Variants in ADAMTS18 observed in about 807,000 individuals in gnomAD.
ADAMTS18 encodes ADAM metallopeptidase with thrombospondin type 1 motif 18, also known as A disintegrin and metalloproteinase with thrombospondin motifs 18.
ADAMTS18 carries 157 observed loss-of-function variants against 165.9 expected under a neutral mutation model. The ratio of observed to expected loss-of-function variants is 0.95; its 90% CI spans 0.83 to 1.08. ADAMTS18 has a LOEUF of 1.08. ADAMTS18 is among the 50% of genes least tolerant of loss of function. ADAMTS18 has a pLI of 0.00. For synonymous variants in ADAMTS18, 782 were observed against 578.2 expected (o/e 1.35, Z -5.06); for missense variants, 2,040 against 1,534.0 (o/e 1.33, Z -5.51).
chr16:77,339,038 G>A (rs1053925689), intron 11 of ADAMTS18, among the ~76,000 whole-genome samples: 1 of 152,032 alleles, frequency 6.6e-6, no homozygotes, highest in Admixed American at 6.6e-5. Flanking sequence ...TGAAGGACAA[G>A]GGACTGGAGA....
intron 22 of ADAMTS18, among the ~76,000 whole-genome samples, chr16:77,285,285 G>A (rs926669068): frequency 6.6e-6 from 1 of 152,120 alleles, no homozygotes; most frequent in Non-Finnish European, 1.5e-5. Flanking sequence ...TGGTTCTCCT[G>A]CGTAAGCCTC....
In ADAMTS18 at chr16:77,297,358, G is replaced by A; in HGVS notation, c.2732C>T (p.Ser911Leu). The A allele has an allele frequency of 1.2e-6, 2 of 1,613,976 alleles. No individual in the cohort carries two copies. Among genetic ancestry groups the A allele is most frequent in the African/African-American group, 1.3e-5 (1 of 75,056 alleles). ...TGGCTTGGTTTTTGCACTGCAGAAT[G>A]AGGAATTGACTTGAGTATTTTGATC... ...LRDQNTQVNS[S>L]FCSAKTKPVT... The change falls in exon 18 of 23, where the codon TCA (serine) becomes TTA (leucine). Residue 911 changes from serine to leucine, a missense_variant. Transcript: ENST00000282849.
intron 10 of ADAMTS18, among the ~76,000 whole-genome samples, chr16:77,344,901 C>T (rs372136413): frequency 2.1e-4 from 32 of 152,172 alleles, no homozygotes; most frequent in South Asian, 6.2e-4. Context: ...TCAAAGGAAA[C>T]GCAAATCAGA....
At chr16:77,390,582 C>A (rs917666287) in intron 3 of ADAMTS18, among the ~76,000 whole-genome samples, 1 of 151,890 alleles carries the variant, frequency 6.6e-6, no homozygotes, top group African/African-American at 2.4e-5. Context: ...CCCAGGTACT[C>A]AGCAGGCTGA....
rs189744529 is a variant in ADAMTS18, at chr16:77,319,913, C to G, written c.2468G>C (p.Arg823Pro). ...PFAGTTFEYQRSFNRPERLYA... is the reference protein window; with the variant it reads ...PFAGTTFEYQPSFNRPERLYA... ...CAGACGTTCCGGGCGGTTGAAAGAGCGCTGGTATTCAAACGTGGTCCCAGC... is the reference window on the plus strand; with the variant it reads ...CAGACGTTCCGGGCGGTTGAAAGAGGGCTGGTATTCAAACGTGGTCCCAGC... Residue 823 changes from arginine to proline, a missense_variant, in exon 16 of 23, where the codon CGC becomes CCC. Coordinates refer to ENST00000282849, the MANE Select transcript of ADAMTS18 (RefSeq NM_199355.4). 17 of 1,614,016 alleles carry G rather than the reference C, an allele frequency of 1.1e-5. No individual in the cohort carries two copies. The highest frequency in any genetic ancestry group is 1.3e-5 in the African/African-American group (1 of 74,934).
At chr16:77,322,204 C>T in intron 14 of ADAMTS18, 132 bp downstream of exon 14, 1 of 638,118 alleles carries the variant, frequency 1.6e-6, no homozygotes, top group Non-Finnish European at 2.7e-6. Flanking sequence ...TCCAGTGAAA[C>T]ACTTTGCTCT....
intron 10 of ADAMTS18, among the ~76,000 whole-genome samples, chr16:77,353,480 G>T (rs577924081): frequency 6.6e-6 from 1 of 152,128 alleles, no homozygotes; most frequent in South Asian, 2.1e-4. Flanking sequence ...TACTAGTAGG[G>T]ATAAAGTCTT....
chr16:77,391,907 G>C (rs1266716973), intron 3 of ADAMTS18, among the ~76,000 whole-genome samples: 1 of 152,134 alleles, frequency 6.6e-6, no homozygotes, highest in East Asian at 1.9e-4. Flanking sequence ...AAGGTGGTTT[G>C]GTGAAACAGA....
chr16:77,293,012 G>A, intron 20 of ADAMTS18, 64 bp downstream of exon 20: 1 of 1,601,330 alleles, frequency 6.2e-7, no homozygotes, highest in Non-Finnish European at 8.5e-7. Flanking sequence ...GTAGAGACAG[G>A]GTTTCACTGT....
rs754455850 is a variant in ADAMTS18 at position 77,321,205 on chromosome 16, G to T, written c.2164-3C>A. The stretch of plus-strand genomic sequence containing the variant: ...AGTTCATGATCACATCCCACTAGCT[G>T]TGACAAAAACAAAAAACGTGAGAAA... On this transcript the variant is annotated splice_region_variant and splice_polypyrimidine_tract_variant and intron_variant, in intron 14 of 22. Transcript: ENST00000282849. 3.1e-6 allele frequency: 5 copies of T among 1,614,120 alleles called. No individual in the cohort carries two copies. The highest frequency in any genetic ancestry group is 4.2e-6 in the Non-Finnish European group (5 of 1,180,018).
At chr16:77,388,344 C>T (rs562793804) in intron 3 of ADAMTS18, among the ~76,000 whole-genome samples, 2 of 152,310 alleles carry the variant, frequency 1.3e-5, no homozygotes, top group African/African-American at 4.8e-5. Flanking sequence ...AAGTGATCCG[C>T]CTGCCTCAGC....
chr16:77,344,457 G>C (rs1014971535), intron 10 of ADAMTS18, among the ~76,000 whole-genome samples: 3 of 152,118 alleles, frequency 2.0e-5, no homozygotes, highest in Non-Finnish European at 4.4e-5. Flanking sequence ...CCCTCAGTTT[G>C]AGGGAAATCA....
intron 16 of ADAMTS18, among the ~76,000 whole-genome samples, chr16:77,306,551 A>C (rs575345753): frequency 6.6e-6 from 1 of 152,236 alleles, no homozygotes; most frequent in East Asian, 1.9e-4. Flanking sequence ...TCATTATTTA[A>C]GGCCTCTTTT....
At chr16:77,304,041 T>C (rs2055638103) in intron 16 of ADAMTS18, among the ~76,000 whole-genome samples, 1 of 151,300 alleles carries the variant, frequency 6.6e-6, no homozygotes, top group Non-Finnish European at 1.5e-5. Context: ...AAAAATCAAG[T>C]GCTACAGATC....
intron 10 of ADAMTS18, among the ~76,000 whole-genome samples, chr16:77,347,322 A>G (rs769122639): frequency 7.9e-5 from 12 of 152,194 alleles, no homozygotes; most frequent in Non-Finnish European, 1.5e-4. Flanking sequence ...ACCATGGAGT[A>G]CATTTGCTGG....
chr16:77,430,434 A>G (rs1480213079), intron 3 of ADAMTS18, among the ~76,000 whole-genome samples: 1 of 152,222 alleles, frequency 6.6e-6, no homozygotes, highest in Non-Finnish European at 1.5e-5. Context: ...GCTTTGTGCC[A>G]TGATGTACCA....
chr16:77,327,784 A>G (rs149058741), intron 12 of ADAMTS18, among the ~76,000 whole-genome samples: 7 of 152,166 alleles, frequency 4.6e-5, no homozygotes, highest in African/African-American at 1.7e-4. Flanking sequence ...GACCCAAGCT[A>G]CCTCTCCAGC....
chr16:77,430,025 G>A (rs2057719397), intron 3 of ADAMTS18, among the ~76,000 whole-genome samples: 1 of 152,156 alleles, frequency 6.6e-6, no homozygotes, highest in Admixed American at 6.5e-5. Flanking sequence ...ACTGGTATGT[G>A]GAATGGGATA....
At position 77,367,659 on chromosome 16, in the gene ADAMTS18, T is replaced by C. The variant is rs762778579; in HGVS notation, c.560A>G (p.Gln187Arg). ...CGCAGGGGAGCTGTAGTTGTGTTCC[T>C]GGGCCAGAAGCTGAGGTAATGGCGA... ...LISPLPQLLA[Q>R]EHNYSSPAGH... The change falls in exon 4 of 23, where the codon CAG becomes CGG. Residue 187 changes from glutamine (Q) to arginine (R), a missense_variant. Coordinates refer to ENST00000282849, the MANE Select transcript of ADAMTS18 (RefSeq NM_199355.4). 7.4e-6 allele frequency: 12 copies of C among 1,614,076 alleles called. No individual in the cohort carries two copies. The African/African-American group carries it at 1.3e-4, about 18-fold the overall frequency.
Sources: allele counts gnomAD v4.1 joint callset (sites outside exome capture counted in the v4.1 genomes callset), GRCh38; gene constraint gnomAD v4.1.1; transcripts MANE v1.5; gene names NCBI Gene and HGNC (gene_info 2026-07-23, HGNC 2026-07-21).